Variants in GRIN2A observed in about 807,000 individuals in gnomAD.
GRIN2A encodes the protein glutamate receptor ionotropic, NMDA 2A.
A neutral mutation model predicts 113.4 loss-of-function variants in GRIN2A; 22 were observed. That is an observed-to-expected ratio of 0.19 (90% CI 0.14 to 0.28). The LOEUF is 0.28. Ranked by LOEUF, GRIN2A falls within the 10% of genes least tolerant of loss-of-function variation. The pLI, the probability that GRIN2A is intolerant of heterozygous loss-of-function variation, is 1.00. For missense variants in GRIN2A, 1,502 were observed against 1,887.0 expected, an observed-to-expected ratio of 0.80 and a Z score of 3.78; for synonymous variants, 827 against 738.4, an observed-to-expected ratio of 1.12 and a Z score of -1.94.
At chr16:10,057,408 A>T (rs2047475159) in intron 2 of GRIN2A, among the ~76,000 whole-genome samples, 1 of 152,192 alleles carries the variant, frequency 6.6e-6, no homozygotes, top group South Asian at 2.1e-4. Flanking sequence ...TGGGGCCTCC[A>T]CTAGATGAGG....
intron 2 of GRIN2A, among the ~76,000 whole-genome samples, chr16:10,168,402 C>T (rs1050251199): frequency 6.6e-6 from 1 of 152,170 alleles, no homozygotes; most frequent in Admixed American, 6.5e-5. Context: ...CAGCCAAATG[C>T]TTGGCCTAAA....
chr16:10,152,114 G>T (rs2049592972), intron 2 of GRIN2A, among the ~76,000 whole-genome samples: 2 of 152,166 alleles, frequency 1.3e-5, no homozygotes, highest in South Asian at 4.1e-4. Context: ...TACAATAGTG[G>T]TCTCAGTAAG....
chr16:9,885,357 G>T (rs960800909), intron 4 of GRIN2A, among the ~76,000 whole-genome samples: 6 of 152,104 alleles, frequency 3.9e-5, no homozygotes, highest in Non-Finnish European at 7.4e-5. Flanking sequence ...GGAAGCCTTG[G>T]ACTCATCAAA....
Position 9,758,310 on chromosome 16 carries a change from C to T in GRIN2A, c.*4839G>A, listed in dbSNP as rs910466293. ...AAGGAAATCACACACAAGTCCATATCGGCATTGTCTTCAGAAGCAAATGCG... is the reference window on the plus strand; with the variant it reads ...AAGGAAATCACACACAAGTCCATATTGGCATTGTCTTCAGAAGCAAATGCG... On this transcript the variant is annotated 3_prime_UTR_variant, in exon 13 of 13. Transcript: ENST00000330684. The T allele has an allele frequency of 1.3e-5, 3 of 224,278 alleles. No individual in the cohort carries two copies. Among genetic ancestry groups the T allele is most frequent in the Non-Finnish European group, 2.7e-5 (3 of 112,454 alleles). The allele number at this position is 224,278 out of a possible 1,614,324, so 13.9% of individuals were successfully genotyped here.
At chr16:10,141,797 A>G (rs2049331349) in intron 2 of GRIN2A, among the ~76,000 whole-genome samples, 1 of 152,240 alleles carries the variant, frequency 6.6e-6, no homozygotes, top group South Asian at 2.1e-4. Flanking sequence ...TATTTTCCAC[A>G]TTTTACAAAT....
At chr16:9,958,153 G>C (rs889584566) in intron 2 of GRIN2A, among the ~76,000 whole-genome samples, 1 of 152,206 alleles carries the variant, frequency 6.6e-6, no homozygotes, top group Non-Finnish European at 1.5e-5. Flanking sequence ...ATAAGCGACT[G>C]TGAGGATTAA....
chr16:9,859,489 C>A (rs1269050252), intron 4 of GRIN2A, among the ~76,000 whole-genome samples: 1 of 151,862 alleles, frequency 6.6e-6, no homozygotes. Flanking sequence ...CATAAAAGCA[C>A]ACTTATATAC....
At position 9,844,285 on chromosome 16, in the gene GRIN2A, C is replaced by T. The variant is rs568530425; in HGVS notation, c.1329-3181G>A. Among the ~76,000 whole-genome samples, 21 of 152,270 alleles carry T rather than the reference C, an allele frequency of 1.4e-4. No individual in the cohort carries two copies. The South Asian group carries it at 1.7e-3, about 12-fold the overall frequency. ...ATTTCTAAATACAAATGATCAATGA[C>T]GCATTTTCACCCAACAAGCACCCAC... is the stretch of plus-strand genomic sequence containing the variant. On this transcript the variant is annotated intron_variant, in intron 5 of 12. Transcript: ENST00000330684.
chr16:10,060,975 A>G (rs540807235), intron 2 of GRIN2A, among the ~76,000 whole-genome samples: 1 of 152,346 alleles, frequency 6.6e-6, no homozygotes, highest in South Asian at 2.1e-4. Context: ...TTTCCTTTTT[A>G]GAACTCCAGT....
Position 10,180,366 on chromosome 16 carries a change from GA to G in GRIN2A, c.45del (p.Leu16TrpfsTer19). 6.2e-7 allele frequency: 1 copy of G among 1,608,206 alleles called. No homozygotes were observed. ...GYWTLLVLPA[L>X]LVWRGPAPSA... is the part of the protein sequence containing the mutation. ...CTCGGCGCCGGACCGCGCCAGACCA[GA>G]AGGGCCGGCAGCACCAGCAGGGTCC... On this transcript the variant is annotated frameshift_variant, in exon 2 of 13. Transcript: ENST00000330684. LOFTEE classifies it high-confidence loss of function. This position sits in a 1 kb window ranked among gnomAD's most constrained non-coding sequence, Gnocchi z 7.0.
chr16:10,104,992 G>T (rs2048469260), intron 2 of GRIN2A, among the ~76,000 whole-genome samples: 1 of 152,180 alleles, frequency 6.6e-6, no homozygotes, highest in Non-Finnish European at 1.5e-5. Flanking sequence ...AATAAAAGAA[G>T]CCTGAAGCAA....
At chr16:9,989,457 A>C (rs1482080816) in intron 2 of GRIN2A, among the ~76,000 whole-genome samples, 1 of 152,194 alleles carries the variant, frequency 6.6e-6, no homozygotes, top group Admixed American at 6.5e-5. Flanking sequence ...AACCTAGGAA[A>C]TACTGTTCTG....
rs1178688401 is a variant in GRIN2A, at chr16:9,754,767, G to A, written c.*8382C>T. ...TAGAAACTTCGATTGAATTCAAAAGGCTATGATTGTTTTTCATGGAAAAAA... is the reference window on the plus strand; with the variant it reads ...TAGAAACTTCGATTGAATTCAAAAGACTATGATTGTTTTTCATGGAAAAAA... On this transcript the variant is annotated 3_prime_UTR_variant, in exon 13 of 13. Coordinates refer to ENST00000330684, the MANE Select transcript of GRIN2A (RefSeq NM_001134407.3). 1 of 220,224 alleles carries A rather than the reference G, an allele frequency of 4.5e-6. No homozygotes were observed. The highest frequency in any genetic ancestry group is 9.1e-6 in the Non-Finnish European group (1 of 109,966). The allele number at this position is 220,224 out of a possible 1,614,324, so 13.6% of individuals were successfully genotyped here. A position where few individuals can be genotyped will look rare whatever the true frequency, so the allele number is the denominator to read the frequency against.
At chr16:9,867,061 T>G (rs539525267) in intron 4 of GRIN2A, among the ~76,000 whole-genome samples, 1 of 152,250 alleles carries the variant, frequency 6.6e-6, no homozygotes, top group Non-Finnish European at 1.5e-5. Context: ...AACTTAGACC[T>G]CTTTATCCAT....
chr16:9,829,353 A>T, intron 9 of GRIN2A, 70 bp downstream of exon 9: 1 of 965,152 alleles, frequency 1.0e-6, no homozygotes, highest in Non-Finnish European at 1.7e-6. Flanking sequence ...AGGCACCTGA[A>T]TCTCTTCCTC....
At chr16:9,837,953 G>C (rs1444263910) in intron 7 of GRIN2A, among the ~76,000 whole-genome samples, 1 of 152,130 alleles carries the variant, frequency 6.6e-6, no homozygotes, top group Non-Finnish European at 1.5e-5. Context: ...AGCTTAAATG[G>C]ATTATCAAAA....
At chr16:9,767,337 A>G (rs1263437121) in intron 12 of GRIN2A, among the ~76,000 whole-genome samples, 1 of 152,246 alleles carries the variant, frequency 6.6e-6, no homozygotes, top group Non-Finnish European at 1.5e-5. Context: ...AGAATATACA[A>G]ATCTGTTTTA....
chr16:10,133,983 G>A (rs2142228273), intron 2 of GRIN2A, among the ~76,000 whole-genome samples: 1 of 152,072 alleles, frequency 6.6e-6, no homozygotes, highest in Admixed American at 6.5e-5. Context: ...AGACATTGGA[G>A]ACCAACCTGG....
chr16:9,917,255 T>G (rs1457464924), intron 3 of GRIN2A, among the ~76,000 whole-genome samples: 1 of 152,216 alleles, frequency 6.6e-6, no homozygotes, highest in Admixed American at 6.5e-5. Flanking sequence ...CATAATATAG[T>G]GCAATTATTT....
Sources: allele counts gnomAD v4.1 joint callset (sites outside exome capture counted in the v4.1 genomes callset), GRCh38; gene constraint gnomAD v4.1.1; non-coding constraint Gnocchi (gnomAD v3.1); transcripts MANE v1.5; gene names NCBI Gene and HGNC (gene_info 2026-07-23, HGNC 2026-07-21).